The following TEX101 variants were observed in gnomAD, a reference collection of about 807,000 sequenced individuals.
TEX101 encodes testis-expressed protein 101.
TEX101 carries 10 observed loss-of-function variants against 18.1 expected under a neutral mutation model. That is an observed-to-expected ratio of 0.55 (90% CI 0.34 to 0.94). The LOEUF (loss-of-function observed/expected upper bound fraction) is 0.94. TEX101 is among the 40% of genes least tolerant of loss of function. The pLI, the probability that TEX101 is intolerant of heterozygous loss-of-function variation, is 0.02. For missense variants in TEX101, 259 were observed against 298.9 expected (o/e 0.87, Z 0.98); for synonymous variants, 94 against 114.8 (o/e 0.82, Z 1.16).
intron 4 of TEX101, among the ~76,000 whole-genome samples, chr19:43,417,095 G>A (rs1378347293): frequency 1.3e-5 from 2 of 150,354 alleles, no homozygotes; most frequent in Non-Finnish European, 2.9e-5. Flanking sequence ...GGTATTATCA[G>A]TCTAACAAGT....
At chr19:43,396,316 T>C in the TEX101 span, among the ~76,000 whole-genome samples, 1 of 152,252 alleles carries the variant, frequency 6.6e-6, no homozygotes, top group Non-Finnish European at 1.5e-5. Flanking sequence ...TTCCAAATTT[T>C]AGTCGTGTTC....
Position 43,415,942 on chromosome 19 carries a change from A to G in TEX101, c.23A>G (p.His8Arg). 6.2e-7 allele frequency: 1 copy of G among 1,614,110 alleles called. No individual in the cohort carries two copies. Among genetic ancestry groups the G allele is most frequent in the Non-Finnish European group, 8.5e-7 (1 of 1,180,020 alleles). MGTPRIQ[H>R]LLILLVLGAS... Reference sequence around the variant, plus strand: ...GCCATGGGAACCCCTCGTATCCAGCATTTGCTGATCCTCCTGGTCCTAGGA... The same window carrying G: ...GCCATGGGAACCCCTCGTATCCAGCGTTTGCTGATCCTCCTGGTCCTAGGA... The change falls in exon 2 of 6, where the codon CAT (histidine) becomes CGT (arginine). Residue 8 changes from histidine (H) to arginine (R), a missense_variant. Physicochemically the swap from His to Arg is conservative, Grantham distance 29. Coordinates refer to ENST00000598265, the MANE Select transcript of TEX101 (RefSeq NM_001130011.3).
At chr19:43,392,208 A>G in the TEX101 span, among the ~76,000 whole-genome samples, 1 of 152,202 alleles carries the variant, frequency 6.6e-6, no homozygotes, top group African/African-American at 2.4e-5. Flanking sequence ...ATTAACACAG[A>G]GAGAAGGAGG....
chr19:43,416,052 C>A (rs1475568363), intron 2 of TEX101, 47 bp from the exon 3 acceptor site: 2 of 1,610,346 alleles, frequency 1.2e-6, no homozygotes, highest in South Asian at 2.2e-5. Context: ...AAGGGAGCCG[C>A]CTTGGCCCAT....
rs754701341 is a variant in TEX101, at chr19:43,415,006, G to C, written c.-72G>C. 7.1e-6 allele frequency: 7 copies of C among 985,446 alleles called. No homozygotes were observed. Among genetic ancestry groups the C allele is most frequent in the Non-Finnish European group, 8.4e-6 (7 of 829,938 alleles). 61.0% of individuals were successfully genotyped at this position (985,446 alleles called of 1,614,324 possible). A position where few individuals can be genotyped will look rare whatever the true frequency, so the allele number is the denominator to read the frequency against. On this transcript the variant is annotated 5_prime_UTR_variant, in exon 1 of 6. Transcript: ENST00000598265. ...AATTTTGCTTCTTTAAAGAGAAAAA[G>C]AAGGCTAGGGACTCAGATTCCTGGA... is the stretch of plus-strand genomic sequence containing the variant.
At position 43,415,914 on chromosome 19, in the gene TEX101, G is replaced by T; in HGVS notation, c.-6G>T. Reference sequence around the variant, plus strand: ...CAGCTCCTCCCAGACCTCTCCAGAAGAAGCCATGGGAACCCCTCGTATCCA... The same window carrying T: ...CAGCTCCTCCCAGACCTCTCCAGAATAAGCCATGGGAACCCCTCGTATCCA... On this transcript the variant is annotated 5_prime_UTR_variant, in exon 2 of 6. Transcript: ENST00000598265. 1.2e-6 allele frequency: 2 copies of T among 1,614,136 alleles called. No individual in the cohort carries two copies. The highest frequency in any genetic ancestry group is 1.7e-6 in the Non-Finnish European group (2 of 1,180,028).
upstream of TEX101, among the ~76,000 whole-genome samples, chr19:43,400,763 T>C (rs1970311619): frequency 1.3e-5 from 2 of 152,160 alleles, no homozygotes; most frequent in Non-Finnish European, 2.9e-5. Context: ...TAAGGTAAAA[T>C]ATTTACCTGG....
intron 4 of TEX101, among the ~76,000 whole-genome samples, chr19:43,416,994 C>T (rs2355989): frequency 0.29 from 43,177 of 148,130 alleles, 6,620 homozygotes; most frequent in East Asian, 0.58. Context: ...TATCACACCA[C>T]TGCACTTCAG....
At chr19:43,407,195 T>TGAGCTG (rs1261924478) in intron 3 of TEX101, among the ~76,000 whole-genome samples, 2 of 152,182 alleles carry the variant, frequency 1.3e-5, no homozygotes, top group African/African-American at 2.4e-5. Context: ...TCAGAAAACC[T>TGAGCTG]GAGCTGGGGC....
intron 2 of TEX101, among the ~76,000 whole-genome samples, chr19:43,405,629 C>T (rs922135958): frequency 1.4e-5 from 2 of 145,584 alleles, no homozygotes; most frequent in Admixed American, 6.8e-5. Context: ...AAAAACACAT[C>T]TAAAATGGAA....
At chr19:43,394,423 AC>A in the TEX101 span, among the ~76,000 whole-genome samples, 3 of 151,478 alleles carry the variant, frequency 2.0e-5, no homozygotes, top group African/African-American at 7.3e-5. Context: ...CTGTGAAGGT[AC>A]CCTCTTAGCC....
chr19:43,391,931 C>A, the TEX101 span, among the ~76,000 whole-genome samples: 1 of 152,144 alleles, frequency 6.6e-6, no homozygotes, highest in Non-Finnish European at 1.5e-5. Flanking sequence ...TGCAGCACCC[C>A]CAGTCTGGAC....
At chr19:43,414,069 A>T (rs917764499), upstream of TEX101, among the ~76,000 whole-genome samples, 1 of 149,772 alleles carries the variant, frequency 6.7e-6, no homozygotes, top group African/African-American at 2.5e-5. Flanking sequence ...GGTTGCAGGG[A>T]GCCAAGATTG....
At chr19:43,410,855 A>G (rs2122335656), upstream of TEX101, among the ~76,000 whole-genome samples, 1 of 152,258 alleles carries the variant, frequency 6.6e-6, no homozygotes, top group Middle Eastern at 3.4e-3. Flanking sequence ...CAATTATACT[A>G]TAAAGTACAA....
chr19:43,415,174 A>AT, intron 1 of TEX101, 136 bp downstream of exon 1: 1 of 480,538 alleles, frequency 2.1e-6, no homozygotes, highest in Non-Finnish European at 2.7e-6. Flanking sequence ...AGACTCCTCG[A>AT]TCCCTACATA....
upstream of TEX101, among the ~76,000 whole-genome samples, chr19:43,396,896 G>T (rs1413066492): frequency 1.4e-5 from 2 of 138,254 alleles, no homozygotes; most frequent in Admixed American, 1.6e-4. Flanking sequence ...GAGTGCAGTG[G>T]CATGATCTCC....
rs201353716 is a variant in TEX101, at chr19:43,415,988, G to T, written c.64+5G>T. On this transcript the variant is annotated splice_donor_5th_base_variant and intron_variant, in intron 2 of 5. Coordinates refer to ENST00000598265, the MANE Select transcript of TEX101 (RefSeq NM_001130011.3). Reference sequence around the variant, plus strand: ...TAGGAGCCTCCCTCCTGACCTGTGCGTATGGGGGACATAGGGGAGAGCCGT... The same window carrying T: ...TAGGAGCCTCCCTCCTGACCTGTGCTTATGGGGGACATAGGGGAGAGCCGT... 7.4e-6 allele frequency: 12 copies of T among 1,613,854 alleles called. No homozygotes were observed. Among genetic ancestry groups the T allele is most frequent in the African/African-American group, 5.3e-5 (4 of 75,016 alleles).
At chr19:43,390,460 CTTTTTTTTTT>C in the TEX101 span, among the ~76,000 whole-genome samples, 5 of 49,856 alleles carry the variant, frequency 1.0e-4, no homozygotes, top group African/African-American at 3.3e-4. Context: ...CTTTTTTTTT[CTTTTTTTTTT>C]TTTTTTTTTT....
upstream of TEX101, among the ~76,000 whole-genome samples, chr19:43,397,215 G>C (rs549414783): frequency 1.3e-5 from 2 of 152,122 alleles, no homozygotes; most frequent in African/African-American, 4.8e-5. Context: ...CGCTAGCCAG[G>C]TGCAGTCATC....
Sources: allele counts gnomAD v4.1 joint callset (sites outside exome capture counted in the v4.1 genomes callset), GRCh38; gene constraint gnomAD v4.1.1; transcripts MANE v1.5; gene names NCBI Gene and HGNC (gene_info 2026-07-23, HGNC 2026-07-21).